Variants in AIG1 observed in about 807,000 individuals in gnomAD.
The protein encoded by AIG1 is androgen-induced gene 1 protein.
A neutral mutation model predicts 31.4 loss-of-function variants in AIG1; 23 were observed. The observed-to-expected ratio is 0.73, with a 90% CI of 0.53 to 1.04. AIG1 has a LOEUF of 1.04. AIG1 is among the 50% of genes least tolerant of loss of function. AIG1 has a pLI of 0.00. For missense variants in AIG1, 274 were observed against 295.0 expected, an observed-to-expected ratio of 0.93 and a Z score of 0.52; for synonymous variants, 100 against 110.5, an observed-to-expected ratio of 0.90 and a Z score of 0.60.
chr6:143,314,434 A>T (rs912399851), intron 4 of AIG1, among the ~76,000 whole-genome samples: 1 of 152,120 alleles, frequency 6.6e-6, no homozygotes, highest in Non-Finnish European at 1.5e-5. Flanking sequence ...AGACAATCCC[A>T]AATAATTAAT....
chr6:143,236,571 TCA>T lies in AIG1; in HGVS notation c.400-47535_400-47534del, dbSNP rs369129371. ...AAGTTCCTGCCCCCTTCTGAGCGAGTCACACTCTTTATGGGACTTGTTTGAAG... is the reference window on the plus strand; with the variant it reads ...AAGTTCCTGCCCCCTTCTGAGCGAGTCACTCTTTATGGGACTTGTTTGAAG... On this transcript the variant is annotated intron_variant, in intron 3 of 5. Coordinates refer to ENST00000357847, the MANE Select transcript of AIG1 (RefSeq NM_016108.4). Among the ~76,000 whole-genome samples, 29 of 152,270 alleles carry T rather than the reference TCA, an allele frequency of 1.9e-4. No homozygotes were observed. In the East Asian group the frequency reaches 4.3e-3, roughly 22 times the overall value.
intron 1 of AIG1, among the ~76,000 whole-genome samples, chr6:143,073,618 C>T (rs977751270): frequency 6.6e-6 from 1 of 152,086 alleles, no homozygotes; most frequent in South Asian, 2.1e-4. Flanking sequence ...TTTTCATTTC[C>T]ATACCTGAGA....
rs923133815 is a variant in AIG1, at chr6:143,299,826, G to C, written c.515+15601G>C. ...TCTTTGCCTAGATAATTTCCTTCCA[G>C]GTCTCACTGCCATTCCCAATCTAAC... On this transcript the variant is annotated intron_variant, in intron 4 of 5. Transcript: ENST00000357847. The surrounding 1 kb of genome is among the most constrained non-coding windows in gnomAD (Gnocchi z 4.1). Among the ~76,000 whole-genome samples, 5 of 152,128 alleles carry C rather than the reference G, an allele frequency of 3.3e-5. No homozygotes were observed. The highest frequency in any genetic ancestry group is 4.8e-5 in the African/African-American group (2 of 41,420).
At chr6:143,084,554 G>A (rs2128471156) in intron 1 of AIG1, among the ~76,000 whole-genome samples, 1 of 152,252 alleles carries the variant, frequency 6.6e-6, no homozygotes, top group East Asian at 1.9e-4. Context: ...AAGTTCAGTA[G>A]CATTTCTAAG....
chr6:143,284,924 A>C lies in AIG1; in HGVS notation c.515+699A>C, dbSNP rs1380553497. On this transcript the variant is annotated intron_variant, in intron 4 of 5. Transcript: ENST00000357847. This position sits in a 1 kb window ranked among gnomAD's most constrained non-coding sequence, Gnocchi z 4.4. ...TTTATCTTAACATAGAGAATTTCTT[A>C]TTTCTCTTTATAATTCCAAGTCCTC... 6.6e-6 allele frequency among the ~76,000 whole-genome samples: 1 copy of C among 152,104 alleles called. No homozygotes were observed. The highest frequency in any genetic ancestry group is 2.4e-5 in the African/African-American group (1 of 41,424).
chr6:143,099,436 C>T (rs1420117644), intron 1 of AIG1: 2 of 152,184 alleles, frequency 1.3e-5, no homozygotes, highest in Non-Finnish European at 2.9e-5. Context: ...AAATAGTATG[C>T]ATGATATGTG....
At chr6:143,290,965 G>A (rs373443370) in intron 4 of AIG1, among the ~76,000 whole-genome samples, 1 of 152,104 alleles carries the variant, frequency 6.6e-6, no homozygotes. Context: ...AGAGGGACAG[G>A]GTCTTTGCAG....
intron 3 of AIG1, among the ~76,000 whole-genome samples, chr6:143,226,837 G>T (rs1426353427): frequency 1.3e-5 from 2 of 151,990 alleles, no homozygotes; most frequent in Non-Finnish European, 2.9e-5. Flanking sequence ...GTCAAGGCAG[G>T]CCACCAAGGA....
intron 4 of AIG1, among the ~76,000 whole-genome samples, chr6:143,319,166 A>T (rs1562589446): frequency 6.6e-6 from 1 of 152,204 alleles, no homozygotes; most frequent in African/African-American, 2.4e-5. Context: ...TGAAAAAGAC[A>T]CTTGCACATA....
At position 143,292,623 on chromosome 6, in the gene AIG1, G is replaced by A. The variant is rs1476417731; in HGVS notation, c.515+8398G>A. 2.0e-5 allele frequency among the ~76,000 whole-genome samples: 3 copies of A among 152,170 alleles called. No individual in the cohort carries two copies. The highest frequency in any genetic ancestry group is 1.9e-4 in the East Asian group (1 of 5,198). ...ATACTTCTAACCTGTAGAATTCTCC[G>A]ATGAATATGTGTTGTTTTAAGCCAC... On this transcript the variant is annotated intron_variant, in intron 4 of 5. Coordinates refer to ENST00000357847, the MANE Select transcript of AIG1 (RefSeq NM_016108.4). The surrounding 1 kb of genome is among the most constrained non-coding windows in gnomAD (Gnocchi z 4.9).
At chr6:143,335,404 T>TACAC (rs1438536168) in intron 5 of AIG1, 2 of 180,412 alleles carry the variant, frequency 1.1e-5, no homozygotes, top group East Asian at 2.7e-4. Context: ...TGGTGGCGTG[T>TACAC]GCCTGTAGTC....
At chr6:143,183,728 T>A (rs1288203872) in intron 3 of AIG1, among the ~76,000 whole-genome samples, 1 of 152,158 alleles carries the variant, frequency 6.6e-6, no homozygotes, top group Non-Finnish European at 1.5e-5. Context: ...TTTACACAAG[T>A]GCTTTCTCCC....
intron 3 of AIG1, among the ~76,000 whole-genome samples, chr6:143,265,727 A>G (rs1045726637): frequency 2.0e-5 from 3 of 152,254 alleles, no homozygotes; most frequent in African/African-American, 7.2e-5. Flanking sequence ...CCTGATAGAA[A>G]GAACTAAACA....
chr6:143,089,610 A>G (rs186097494), intron 1 of AIG1, among the ~76,000 whole-genome samples: 1 of 152,218 alleles, frequency 6.6e-6, no homozygotes, highest in Non-Finnish European at 1.5e-5. Flanking sequence ...TATTTGGCTC[A>G]TGATTCTGCT....
At chr6:143,086,404 CCTCT>C (rs1292471203) in intron 1 of AIG1, among the ~76,000 whole-genome samples, 1 of 151,532 alleles carries the variant, frequency 6.6e-6, no homozygotes, top group Admixed American at 6.6e-5. Context: ...CTCTCTTTCC[CCTCT>C]CTCTCTCTGC....
At chr6:143,270,148 G>A (rs964656145) in intron 3 of AIG1, among the ~76,000 whole-genome samples, 3 of 152,148 alleles carry the variant, frequency 2.0e-5, no homozygotes, top group African/African-American at 7.2e-5. Context: ...AGGTCCAGAA[G>A]GGCTCCAGTT....
chr6:143,309,457 A>G (rs1229541681), intron 4 of AIG1, among the ~76,000 whole-genome samples: 1 of 152,072 alleles, frequency 6.6e-6, no homozygotes, highest in African/African-American at 2.4e-5. Context: ...TTAGCTGATT[A>G]TAGTATAGAA....
At position 143,229,784 on chromosome 6, in the gene AIG1, C is replaced by CAACAAAAAAAA. The variant is rs1554260078; in HGVS notation, c.400-54324_400-54323insCAAAAAAAAAA. On this transcript the variant is annotated intron_variant, in intron 3 of 5. Transcript: ENST00000357847. ...GCCTCTCGTTTCTGGACTCTCAGAA[C>CAACAAAAAAAA]AAAAAAAAAAAAAAAAAAAAGGATC... Among the ~76,000 whole-genome samples, 12 of 80,712 alleles carry CAACAAAAAAAA rather than the reference C, an allele frequency of 1.5e-4. 3 individuals are homozygous for CAACAAAAAAAA. The highest frequency in any genetic ancestry group is 4.2e-4 in the Admixed American group (3 of 7,134). The allele number at this position is 80,712 out of a possible 152,430, so 53.0% of individuals were successfully genotyped here.
intron 3 of AIG1, among the ~76,000 whole-genome samples, chr6:143,212,630 C>T (rs1282121231): frequency 1.3e-5 from 2 of 152,138 alleles, no homozygotes; most frequent in East Asian, 3.9e-4. Context: ...TTCAGGCCTT[C>T]AAACTGAATC....
Sources: gnomAD v4.1 joint callset for allele counts (sites outside exome capture counted in the v4.1 genomes callset) on GRCh38, gnomAD v4.1.1 for gene constraint, Gnocchi (gnomAD v3.1) non-coding constraint, MANE v1.5 for transcripts, NCBI Gene and HGNC (gene_info 2026-07-23, HGNC 2026-07-21) for gene names.